SGIP1: variants seen among roughly 807,000 people sequenced by gnomAD.
SGIP1 encodes SH3GL interacting endocytic adaptor 1, also known as SH3-containing GRB2-like protein 3-interacting protein 1.
In SGIP1, 38 loss-of-function variants were observed where a neutral mutation model predicts 107.5. The observed-to-expected ratio is 0.35, with a 90% confidence interval of 0.27 to 0.46. SGIP1 has a LOEUF of 0.46. Among genes scored for constraint, SGIP1 ranks in the 20% least tolerant of loss-of-function variants. The pLI is 1.00. For synonymous variants in SGIP1, 365 were observed against 366.1 expected (o/e 1.00, Z 0.03); for missense variants, 929 against 1,019.5 (o/e 0.91, Z 1.21).
intron 1 of SGIP1, among the ~76,000 whole-genome samples, chr1:66,549,842 A>C (rs750246058): frequency 6.6e-6 from 1 of 152,120 alleles, no homozygotes; most frequent in Non-Finnish European, 1.5e-5. Flanking sequence ...TTTGGTTTCC[A>C]TCTATACACT....
Position 66,689,220 on chromosome 1 carries a change from C to T in SGIP1, c.1388C>T (p.Pro463Leu). 1 of 1,613,956 alleles carries T rather than the reference C, an allele frequency of 6.2e-7. No homozygotes were observed. Among genetic ancestry groups the T allele is most frequent in the Non-Finnish European group, 8.5e-7 (1 of 1,179,922 alleles). ...AGTACCACTCCACCTCCACCTCCTC[C>T]CCGGCCTCCATCCCGGCCAAAGCTA... is the stretch of plus-strand genomic sequence containing the variant. ...CRSTTPPPPP[P>L]RPPSRPKLPP... Residue 463 changes from proline to leucine, a missense_variant, in exon 16 of 25, where the codon CCC becomes CTC. Coordinates refer to ENST00000371037, the MANE Select transcript of SGIP1 (RefSeq NM_032291.4).
chr1:66,695,946 A>G (rs1360279311), intron 18 of SGIP1, among the ~76,000 whole-genome samples: 1 of 152,208 alleles, frequency 6.6e-6, no homozygotes, highest in African/African-American at 2.4e-5. Flanking sequence ...AAATCTAAAT[A>G]TGTAAATACA....
chr1:66,727,627 C>T (rs2093817266), intron 19 of SGIP1, among the ~76,000 whole-genome samples: 1 of 152,108 alleles, frequency 6.6e-6, no homozygotes, highest in African/African-American at 2.4e-5. Flanking sequence ...TGGAAAGAAG[C>T]CAAATGTTCT....
chr1:66,625,926 G>C lies in SGIP1; in HGVS notation c.74+16G>C, dbSNP rs2072561075. 9.3e-6 allele frequency: 15 copies of C among 1,604,750 alleles called. No individual in the cohort carries two copies. Among genetic ancestry groups the C allele is most frequent in the East Asian group, 2.2e-5 (1 of 44,676 alleles). On this transcript the variant is annotated intron_variant, in intron 2 of 24. Coordinates refer to ENST00000371037, the MANE Select transcript of SGIP1 (RefSeq NM_032291.4). ...CTGATTCTACGTATGTACTTTAGGA[G>C]TTTGCCTCCTCGAAGAAGCTATTTG... is the stretch of plus-strand genomic sequence containing the variant.
At chr1:66,548,548 G>A (rs1176996763) in intron 1 of SGIP1, among the ~76,000 whole-genome samples, 1 of 152,066 alleles carries the variant, frequency 6.6e-6, no homozygotes, top group Non-Finnish European at 1.5e-5. Context: ...CTTTTTTTAT[G>A]TACTTATTTT....
At chr1:66,733,716 C>T (rs535514811) in intron 20 of SGIP1, 32 bp from the exon 21 acceptor site, 2 of 1,601,750 alleles carry the variant, frequency 1.2e-6, no homozygotes, top group East Asian at 2.2e-5. Context: ...TTTTAAGATG[C>T]TACTCAATCA....
At chr1:66,630,801 C>T (rs115588537) in intron 2 of SGIP1, among the ~76,000 whole-genome samples, 1,377 of 58,036 alleles carry the variant, frequency 0.024, 35 homozygotes, top group African/African-American at 0.09. Context: ...AGCAAAACTC[C>T]GGAAAGAAAG....
chr1:66,564,494 T>C (rs895783326), intron 1 of SGIP1, among the ~76,000 whole-genome samples: 3 of 151,780 alleles, frequency 2.0e-5, no homozygotes, highest in African/African-American at 4.8e-5. Flanking sequence ...TATAAACAAA[T>C]GTACACAAGC....
At chr1:66,571,186 A>G (rs1468550886) in intron 1 of SGIP1, among the ~76,000 whole-genome samples, 1 of 152,046 alleles carries the variant, frequency 6.6e-6, no homozygotes, top group Non-Finnish European at 1.5e-5. Context: ...TGTTAAATGA[A>G]ACCAAAAAGG....
intron 1 of SGIP1, among the ~76,000 whole-genome samples, chr1:66,558,277 G>A (rs998662513): frequency 1.3e-5 from 2 of 151,686 alleles, no homozygotes; most frequent in Non-Finnish European, 2.9e-5. Context: ...ATGCTTAGAG[G>A]GGCCCTACAC....
intron 2 of SGIP1, chr1:66,626,137 C>CTTTTTTTTTTTTTTTTTTT (rs35959436): frequency 5.7e-5 from 7 of 121,924 alleles, no homozygotes; most frequent in Admixed American, 9.4e-5. Context: ...TTCTTTCTTT[C>CTTTTTTTTTTTTTTTTTTT]TTTTTTTTTT....
intron 14 of SGIP1, 149 bp from the exon 15 acceptor site, chr1:66,681,720 C>T: frequency 1.3e-6 from 1 of 743,542 alleles, no homozygotes; most frequent in Non-Finnish European, 2.2e-6. Context: ...CCTTAGGCTC[C>T]TAATCCAATA....
intron 22 of SGIP1, among the ~76,000 whole-genome samples, chr1:66,740,451 T>C (rs1256335012): frequency 6.6e-6 from 1 of 152,238 alleles, no homozygotes; most frequent in Non-Finnish European, 1.5e-5. Flanking sequence ...CATCTCATGG[T>C]GTTCTAGCTA....
chr1:66,691,465 A>G (rs1250003529), intron 17 of SGIP1, among the ~76,000 whole-genome samples: 1 of 152,172 alleles, frequency 6.6e-6, no homozygotes, highest in African/African-American at 2.4e-5. Flanking sequence ...GTTTGGTGAA[A>G]ATAGAGCCAG....
intron 1 of SGIP1, among the ~76,000 whole-genome samples, chr1:66,539,896 T>G (rs1419680970): frequency 1.2e-5 from 1 of 86,536 alleles, no homozygotes; most frequent in East Asian, 2.8e-4. Flanking sequence ...TTGCTTTCAG[T>G]GCATGGGCTG....
chr1:66,738,681 T>G (rs1171199983), intron 21 of SGIP1, among the ~76,000 whole-genome samples: 1 of 152,144 alleles, frequency 6.6e-6, no homozygotes, highest in Non-Finnish European at 1.5e-5. Context: ...AGAAGTAACT[T>G]CCTGTTACTC....
intron 1 of SGIP1, among the ~76,000 whole-genome samples, chr1:66,568,455 C>A (rs12725322): frequency 0.15 from 22,260 of 151,960 alleles, 2,248 homozygotes; most frequent in East Asian, 0.45. Flanking sequence ...GACAATTTGA[C>A]TTATTTTCTT....
At chr1:66,585,551 T>G (rs191372128) in intron 1 of SGIP1, among the ~76,000 whole-genome samples, 25 of 146,518 alleles carry the variant, frequency 1.7e-4, no homozygotes, top group Non-Finnish European at 2.6e-4. Flanking sequence ...TTGAGAAAAA[T>G]TAAAAAGAGC....
chr1:66,564,623 G>A (rs768028757), intron 1 of SGIP1, among the ~76,000 whole-genome samples: 3 of 151,904 alleles, frequency 2.0e-5, no homozygotes, highest in Admixed American at 6.6e-5. Flanking sequence ...CCCTGCAGTC[G>A]TGAGCAGACA....
Sources: gnomAD v4.1 joint callset for allele counts (sites outside exome capture counted in the v4.1 genomes callset) on GRCh38, gnomAD v4.1.1 for gene constraint, MANE v1.5 for transcripts, NCBI Gene and HGNC (gene_info 2026-07-23, HGNC 2026-07-21) for gene names.